The following NETO2 variants were observed in gnomAD, a reference collection of about 807,000 sequenced individuals.
NETO2 encodes neuropilin and tolloid-like protein 2.
A neutral mutation model predicts 62.5 loss-of-function variants in NETO2; 28 were observed. The observed-to-expected ratio is 0.45, with a 90% CI of 0.33 to 0.61. The LOEUF (loss-of-function observed/expected upper bound fraction) is 0.61, where lower values mean the gene tolerates loss of function less well. Ranked by LOEUF, NETO2 falls within the 20% of genes least tolerant of loss-of-function variation. The pLI, the probability that NETO2 is intolerant of heterozygous loss-of-function variation, is 0.02. For synonymous variants in NETO2, 214 were observed against 219.1 expected, an observed-to-expected ratio of 0.98 and a Z score of 0.21; for missense variants, 548 against 643.2, an observed-to-expected ratio of 0.85 and a Z score of 1.60.
chr16:47,137,435 T>C (rs760277579), intron 1 of NETO2, among the ~76,000 whole-genome samples: 1 of 152,196 alleles, frequency 6.6e-6, no homozygotes, highest in Non-Finnish European at 1.5e-5. Context: ...GAGGTGGCCT[T>C]TTCCCTCCTT....
At chr16:47,111,712 G>A (rs191187210) in intron 6 of NETO2, among the ~76,000 whole-genome samples, 43 of 152,304 alleles carry the variant, frequency 2.8e-4, no homozygotes, top group Admixed American at 7.8e-4. Context: ...AGGCCGGTCT[G>A]CTCTGCAGAT....
At chr16:47,097,753 C>G (rs556388329) in intron 7 of NETO2, among the ~76,000 whole-genome samples, 2 of 152,348 alleles carry the variant, frequency 1.3e-5, no homozygotes, top group South Asian at 4.1e-4. Flanking sequence ...AAGGGGTCGA[C>G]AGACACCTCA....
At chr16:47,101,923 G>GA (rs1567385050) in intron 7 of NETO2, among the ~76,000 whole-genome samples, 1 of 152,150 alleles carries the variant, frequency 6.6e-6, no homozygotes. Context: ...CACAGAATTA[G>GA]AAAAAACTAG....
chr16:47,093,560 A>G (rs554376788), intron 7 of NETO2, among the ~76,000 whole-genome samples: 66 of 152,226 alleles, frequency 4.3e-4, no homozygotes, highest in Non-Finnish European at 8.5e-4. Flanking sequence ...TCCTAGCATC[A>G]AACACAGTAC....
At chr16:47,126,982 T>C (rs1964170559) in intron 4 of NETO2, among the ~76,000 whole-genome samples, 1 of 152,232 alleles carries the variant, frequency 6.6e-6, no homozygotes, top group Non-Finnish European at 1.5e-5. Context: ...GTTATATGTG[T>C]ACCATAATCC....
intron 7 of NETO2, among the ~76,000 whole-genome samples, chr16:47,095,888 A>G (rs1212414293): frequency 6.6e-6 from 1 of 152,242 alleles, no homozygotes. Context: ...GACAGTCTCT[A>G]GAATAGACTA....
chr16:47,102,073 T>C (rs1340119460), intron 7 of NETO2, among the ~76,000 whole-genome samples: 2 of 152,116 alleles, frequency 1.3e-5, no homozygotes, highest in East Asian at 1.9e-4. Context: ...AAGGTACTGG[T>C]ATCAAAACAG....
At chr16:47,139,576 A>G (rs1964424331) in intron 1 of NETO2, among the ~76,000 whole-genome samples, 1 of 152,238 alleles carries the variant, frequency 6.6e-6, no homozygotes, top group Non-Finnish European at 1.5e-5. Flanking sequence ...GAGTTCAATT[A>G]GAGTCCACAT....
At chr16:47,109,427 G>A (rs1453169994) in intron 7 of NETO2, 56 bp downstream of exon 7, 2 of 1,306,806 alleles carry the variant, frequency 1.5e-6, no homozygotes, top group Admixed American at 3.5e-5. Flanking sequence ...TGAGTGTACT[G>A]TGAATGAGTG....
intron 7 of NETO2, among the ~76,000 whole-genome samples, chr16:47,087,029 TA>T (rs1372443805): frequency 2.4e-3 from 132 of 54,652 alleles, no homozygotes; most frequent in African/African-American, 8.8e-3. Context: ...TATTTATAAT[TA>T]AATTTTTTTT....
At chr16:47,107,629 C>G (rs1351237475) in intron 7 of NETO2, among the ~76,000 whole-genome samples, 3 of 152,212 alleles carry the variant, frequency 2.0e-5, no homozygotes, top group African/African-American at 7.2e-5. Context: ...ACTAGTTGAG[C>G]CTGGTTCATC....
Position 47,143,866 on chromosome 16 carries a change from G to A in NETO2, c.-254C>T, listed in dbSNP as rs1011022930. On this transcript the variant is annotated 5_prime_UTR_variant, in exon 1 of 9. Transcript: ENST00000562435. ...CGGCGCCCCGTCCCATCGACCGCCCGAGGGCCGAGGAGTGCGGACGCGCGG... is the reference window on the plus strand; with the variant it reads ...CGGCGCCCCGTCCCATCGACCGCCCAAGGGCCGAGGAGTGCGGACGCGCGG... 28 of 284,560 alleles carry A rather than the reference G, an allele frequency of 9.8e-5. No individual in the cohort carries two copies. Among genetic ancestry groups the A allele is most frequent in the African/African-American group, 6.3e-4 (28 of 44,382 alleles). The allele number at this position is 284,560 out of a possible 1,614,324, so 17.6% of individuals were successfully genotyped here. A position where few individuals can be genotyped will look rare whatever the true frequency, so the allele number is the denominator to read the frequency against.
chr16:47,117,045 G>T (rs183011003), intron 6 of NETO2, among the ~76,000 whole-genome samples: 1 of 152,036 alleles, frequency 6.6e-6, no homozygotes, highest in Admixed American at 6.5e-5. Flanking sequence ...GAAGTTTCAT[G>T]ATTTTTTCTA....
intron 4 of NETO2, among the ~76,000 whole-genome samples, chr16:47,125,702 C>A (rs1373919602): frequency 6.6e-6 from 1 of 151,788 alleles, no homozygotes. Flanking sequence ...TAATGTTGAT[C>A]TTTTTTAAGA....
At chr16:47,138,775 A>T (rs1209940438) in intron 1 of NETO2, among the ~76,000 whole-genome samples, 1 of 152,180 alleles carries the variant, frequency 6.6e-6, no homozygotes, top group Non-Finnish European at 1.5e-5. Flanking sequence ...TTATAGTTAG[A>T]ACAACTCTGT....
intron 6 of NETO2, among the ~76,000 whole-genome samples, chr16:47,111,652 G>A (rs1017744517): frequency 6.6e-6 from 1 of 152,178 alleles, no homozygotes; most frequent in South Asian, 2.1e-4. Flanking sequence ...TACCTGGATG[G>A]TGGGAGTTTG....
intron 3 of NETO2, 94 bp from the exon 4 acceptor site, chr16:47,128,667 TAAC>T: frequency 5.1e-6 from 7 of 1,367,338 alleles, no homozygotes; most frequent in Non-Finnish European, 6.0e-6. Flanking sequence ...ACTGTTCTGC[TAAC>T]TGCTTCATAG....
rs1963082605 is a variant in NETO2 at position 47,082,320 on chromosome 16, A to G, written c.*901T>C. On this transcript the variant is annotated 3_prime_UTR_variant, in exon 9 of 9. Coordinates refer to ENST00000562435, the MANE Select transcript of NETO2 (RefSeq NM_018092.5). ...GGAGCTATGTAACAATCTAGCGAAGAGAAACATTGCAAATAAATGTAATTA... is the reference window on the plus strand; with the variant it reads ...GGAGCTATGTAACAATCTAGCGAAGGGAAACATTGCAAATAAATGTAATTA... The G allele has an allele frequency of 6.6e-6, 1 of 152,336 alleles. No individual in the cohort carries two copies. The highest frequency in any genetic ancestry group is 1.5e-5 in the Non-Finnish European group (1 of 68,036). The allele number at this position is 152,336 out of a possible 1,614,324, so 9.4% of individuals were successfully genotyped here.
chr16:47,142,152 A>G (rs1019369168), intron 1 of NETO2, among the ~76,000 whole-genome samples: 1 of 152,224 alleles, frequency 6.6e-6, no homozygotes, highest in African/African-American at 2.4e-5. Flanking sequence ...ACGAAAGAGT[A>G]AAAACATTCC....
Sources: allele counts gnomAD v4.1 joint callset (sites outside exome capture counted in the v4.1 genomes callset), GRCh38; gene constraint gnomAD v4.1.1; transcripts MANE v1.5; gene names NCBI Gene and HGNC (gene_info 2026-07-23, HGNC 2026-07-21).